Variants in MACF1 observed in about 807,000 individuals in gnomAD.
MACF1 encodes microtubule-actin cross-linking factor 1.
MACF1 carries 193 observed loss-of-function variants against 854.8 expected under a neutral mutation model. The observed-to-expected ratio is 0.23, with a 90% CI of 0.20 to 0.25. The LOEUF is 0.25. Among genes scored for constraint, MACF1 ranks in the 10% least tolerant of loss-of-function variants. MACF1 has a pLI of 1.00. For synonymous variants in MACF1, 3,185 were observed against 3,226.7 expected (o/e 0.99, Z 0.44); for missense variants, 7,722 against 8,929.1 (o/e 0.86, Z 5.45).
chr1:39,186,200 CTCTCTCTCTCTCTCTGTGTGTGTGTG>C (rs1644167548), intron 2 of MACF1, among the ~76,000 whole-genome samples: 3 of 127,436 alleles, frequency 2.4e-5, no homozygotes, highest in African/African-American at 6.3e-5. Context: ...CTCTCTCTCT[CTCTCTCTCTCTCTCTGTGTGTGTGTG>C]TGTGTGTGTG....
rs747879380 is a variant in MACF1, at chr1:39,429,874, C to T, written c.16936C>T (p.Arg5646Cys). The T allele has an allele frequency of 5.6e-6, 9 of 1,613,930 alleles. No homozygotes were observed. The highest frequency in any genetic ancestry group is 6.8e-6 in the Non-Finnish European group (8 of 1,179,942). ...IQEKLDGIKT[R>C]YADITVTSSK... ...GGAAAAACTAGATGGTATAAAGACT[C>T]GTTACGCAGACATCACAGTTACTAG... is the stretch of plus-strand genomic sequence containing the variant. Residue 5646 changes from arginine (R) to cysteine (C), a missense_variant, in exon 65 of 101, where the codon CGT (arginine) becomes TGT (cysteine). Coordinates refer to ENST00000564288, the MANE Select transcript of MACF1 (RefSeq NM_001394062.1).
intron 58 of MACF1, among the ~76,000 whole-genome samples, chr1:39,415,949 C>T (rs1221616546): frequency 1.3e-5 from 2 of 152,182 alleles, no homozygotes; most frequent in Non-Finnish European, 2.9e-5. Context: ...TGACTGAATG[C>T]ATGAATATCA....
At chr1:39,319,854 C>G in intron 31 of MACF1, 107 bp downstream of exon 31, 1 of 768,824 alleles carries the variant, frequency 1.3e-6, no homozygotes, top group East Asian at 2.7e-5. Flanking sequence ...AGTTCTTATG[C>G]TACAAGCTGG....
At chr1:39,162,498 G>A (rs996281812) in intron 2 of MACF1, among the ~76,000 whole-genome samples, 23 of 152,000 alleles carry the variant, frequency 1.5e-4, no homozygotes, top group African/African-American at 5.6e-4. Flanking sequence ...CCTTCCGTAA[G>A]TTTTGTTTTT....
chr1:39,438,937 G>C (rs1396899648), intron 71 of MACF1, among the ~76,000 whole-genome samples: 1 of 151,308 alleles, frequency 6.6e-6, no homozygotes, highest in Non-Finnish European at 1.5e-5. Context: ...ACAAAAATTA[G>C]CCAGGCATGG....
chr1:39,314,829 A>G (rs1412125636), intron 26 of MACF1, among the ~76,000 whole-genome samples: 2 of 152,184 alleles, frequency 1.3e-5, no homozygotes, highest in Admixed American at 1.3e-4. Context: ...AGAGTTTAAC[A>G]TTTATTTATA....
intron 99 of MACF1, among the ~76,000 whole-genome samples, chr1:39,483,671 C>T (rs1645056420): frequency 6.6e-6 from 1 of 152,178 alleles, no homozygotes; most frequent in African/African-American, 2.4e-5. Flanking sequence ...TTCAATCAGT[C>T]CTGGAACCCA....
intron 2 of MACF1, among the ~76,000 whole-genome samples, chr1:39,173,598 A>G (rs1215568381): frequency 1.3e-5 from 2 of 152,206 alleles, no homozygotes; most frequent in Admixed American, 1.3e-4. Flanking sequence ...ACTGTTGAAC[A>G]GTCCCCTCTG....
chr1:39,209,451 CTTTA>C (rs1644491081), intron 1 of MACF1, among the ~76,000 whole-genome samples: 1 of 152,070 alleles, frequency 6.6e-6, no homozygotes, highest in Non-Finnish European at 1.5e-5. Context: ...AGGAAAAGAG[CTTTA>C]TGGTTTTTTT....
At chr1:39,442,600 A>G (rs760086656) in intron 77 of MACF1, 33 bp downstream of exon 77, 2 of 1,612,844 alleles carry the variant, frequency 1.2e-6, no homozygotes, top group Non-Finnish European at 1.7e-6. Flanking sequence ...CTCTAACCCT[A>G]TTGATTTGAG....
intron 18 of MACF1, among the ~76,000 whole-genome samples, chr1:39,294,396 C>T (rs1645857873): frequency 6.6e-6 from 1 of 152,112 alleles, no homozygotes; most frequent in Non-Finnish European, 1.5e-5. Flanking sequence ...TTAACATGCA[C>T]TTTAGACAGT....
chr1:39,473,552 C>T (rs1331474447), intron 97 of MACF1, among the ~76,000 whole-genome samples: 1 of 152,180 alleles, frequency 6.6e-6, no homozygotes, highest in African/African-American at 2.4e-5. Context: ...GGTCACACAG[C>T]GAGAGAGTGA....
At chr1:39,229,934 G>T (rs1048297978) in intron 1 of MACF1, among the ~76,000 whole-genome samples, 2 of 152,076 alleles carry the variant, frequency 1.3e-5, no homozygotes, top group African/African-American at 4.8e-5. Context: ...GCAGAGGTGG[G>T]GTTTTACCAT....
chr1:39,353,379 T>A, intron 44 of MACF1, 148 bp downstream of exon 44: 2 of 588,660 alleles, frequency 3.4e-6, no homozygotes, highest in South Asian at 5.1e-5. Context: ...TGTTGGCCAC[T>A]CCTCTTGAAA....
Position 39,231,196 on chromosome 1 carries a change from G to A in MACF1, c.124G>A (p.Val42Ile), listed in dbSNP as rs770076450. The stretch of plus-strand genomic sequence containing the variant: ...TTCCTTTACAGATGAACGGGACCGG[G>A]TTCAGAAGAAAACGTTCACCAAGTG... ...ARGRADERDR[V>I]QKKTFTKWVN... Residue 42 changes from valine to isoleucine, a missense_variant, in exon 2 of 101, where the codon GTT (valine) becomes ATT (isoleucine). Val to Ile is a conservative substitution (Grantham distance 29). Around this residue, in one of 15 missense-constraint regions of MACF1, gnomAD observed 6 missense variants for 23.7 expected, o/e 0.25. Transcript: ENST00000564288. The A allele has an allele frequency of 6.2e-7, 1 of 1,614,178 alleles. No homozygotes were observed. The highest frequency in any genetic ancestry group is 8.5e-7 in the Non-Finnish European group (1 of 1,180,018).
intron 85 of MACF1, 117 bp from the exon 86 acceptor site, chr1:39,452,039 C>G (rs1644352507): frequency 1.1e-6 from 1 of 872,756 alleles, no homozygotes; most frequent in South Asian, 1.9e-5. Flanking sequence ...TGCTCTGCCT[C>G]CCTCTATGCA....
rs564637091 is a variant in MACF1 at position 39,287,161 on chromosome 1, A to G, written c.1509-125A>G. On this transcript the variant is annotated intron_variant, in intron 14 of 100. Transcript: ENST00000564288. ...TTTTTAGTAGAGACGGGGTTTCACC[A>G]TGTTGTCTAGGCTGGCTCATTTTTA... 99 of 1,030,644 alleles carry G rather than the reference A, an allele frequency of 9.6e-5. No individual in the cohort carries two copies. The Middle Eastern group carries it at 1.4e-3, about 15-fold the overall frequency. 63.8% of individuals were successfully genotyped at this position (1,030,644 alleles called of 1,614,324 possible). A position where few individuals can be genotyped will look rare whatever the true frequency, so the allele number is the denominator to read the frequency against.
chr1:39,218,177 C>T (rs534907807), intron 1 of MACF1, among the ~76,000 whole-genome samples: 217 of 85,516 alleles, frequency 2.5e-3, no homozygotes, highest in African/African-American at 9.2e-3. Context: ...AGCGAGACTC[C>T]GTCTCAAAAA....
chr1:39,314,960 C>T (rs1363042515), intron 26 of MACF1, among the ~76,000 whole-genome samples: 1 of 152,168 alleles, frequency 6.6e-6, no homozygotes, highest in Non-Finnish European at 1.5e-5. Context: ...ATCTGAAATA[C>T]AGTTAGGCTT....
Sources: allele counts gnomAD v4.1 joint callset (sites outside exome capture counted in the v4.1 genomes callset), GRCh38; gene constraint gnomAD v4.1.1; regional missense constraint gnomAD v4.1.1; transcripts MANE v1.5; gene names NCBI Gene and HGNC (gene_info 2026-07-23, HGNC 2026-07-21).